ZDHHC24: variants seen among roughly 807,000 people sequenced by gnomAD.
ZDHHC24 encodes probable palmitoyltransferase ZDHHC24.
Under a neutral mutation model 23.2 loss-of-function variants are expected in ZDHHC24, and 17 were observed. The observed-to-expected ratio is 0.73, with a 90% CI of 0.50 to 1.10. ZDHHC24 has a LOEUF of 1.10. ZDHHC24 is among the 50% of genes least tolerant of loss of function. The pLI, the probability that ZDHHC24 is intolerant of heterozygous loss-of-function variation, is 0.00. For missense variants in ZDHHC24, 366 were observed against 393.0 expected (o/e 0.93, Z 0.58); for synonymous variants, 186 against 194.5 (o/e 0.96, Z 0.36).
At position 66,538,095 on chromosome 11, in the gene ZDHHC24, A is replaced by G. The variant is rs906479630; in HGVS notation, c.*1434T>C. On this transcript the variant is annotated 3_prime_UTR_variant, in exon 3 of 3. Coordinates refer to ENST00000310442, the MANE Select transcript of ZDHHC24 (RefSeq NM_207340.3). ...GTGAAACCCTGTCTATACTAAAAATACAAAAAAATTAGCTGGGCATGGCCA... is the reference window on the plus strand; with the variant it reads ...GTGAAACCCTGTCTATACTAAAAATGCAAAAAAATTAGCTGGGCATGGCCA... 3 of 151,594 alleles carry G rather than the reference A, an allele frequency of 2.0e-5. No individual in the cohort carries two copies. The highest frequency in any genetic ancestry group is 7.3e-5 in the African/African-American group (3 of 41,236). 9.4% of individuals were successfully genotyped at this position (151,594 alleles called of 1,614,324 possible). A position where few individuals can be genotyped will look rare whatever the true frequency, so the allele number is the denominator to read the frequency against.
chr11:66,530,378 A>C (rs1269588254), intron 2 of ZDHHC24, among the ~76,000 whole-genome samples: 1 of 151,900 alleles, frequency 6.6e-6, no homozygotes, highest in Non-Finnish European at 1.5e-5. Flanking sequence ...CACCGAGACC[A>C]GCACGGGCAA....
downstream of ZDHHC24, chr11:66,532,357 C>G: frequency 5.2e-6 from 2 of 386,992 alleles, no homozygotes; most frequent in Non-Finnish European, 9.7e-6. Flanking sequence ...GTGAGCTGAG[C>G]AGGACAGGCC....
chr11:66,526,946 C>T (rs1021950038), exon 4 of ZDHHC24: 2 of 1,581,784 alleles, frequency 1.3e-6, no homozygotes, highest in Non-Finnish European at 1.7e-6. Context: ...CTCTGCAAAT[C>T]CAGGGACAGC....
chr11:66,529,191 TG>T, intron 3 of ZDHHC24: 2 of 516,094 alleles, frequency 3.9e-6, no homozygotes, highest in Non-Finnish European at 6.4e-6. Context: ...GACAGTGGGG[TG>T]GGGGCGGGGT....
rs1856998059 is a variant in ZDHHC24 at position 66,537,300 on chromosome 11, G to A, written c.*2229C>T. 6.6e-6 allele frequency: 1 copy of A among 151,910 alleles called. No individual in the cohort carries two copies. Among genetic ancestry groups the A allele is most frequent in the Non-Finnish European group, 1.5e-5 (1 of 67,968 alleles). 9.4% of individuals were successfully genotyped at this position (151,910 alleles called of 1,614,324 possible). ...CACCCCACCCAGAGGTGTAGCTGCT[G>A]GCTGCATGATGTGGGTGGGGTGTGG... On this transcript the variant is annotated 3_prime_UTR_variant, in exon 3 of 3. Transcript: ENST00000310442.
Position 66,539,739 on chromosome 11 carries a change from G to A in ZDHHC24, c.645C>T (p.Leu215=), listed in dbSNP as rs144950495. Residue 215 remains leucine (L), a synonymous_variant, in exon 3 of 3, where the codon CTC becomes CTT. Coordinates refer to ENST00000310442, the MANE Select transcript of ZDHHC24 (RefSeq NM_207340.3). ...AGALLCGAGL[L]FHGMLLLRGQ... is the part of the protein sequence containing the mutation. ...CCCGCAGCAGCAGCATCCCATGGAAGAGCAGCCCAGCCCCGCACAGCAGCG... is the reference window on the plus strand; with the variant it reads ...CCCGCAGCAGCAGCATCCCATGGAAAAGCAGCCCAGCCCCGCACAGCAGCG... The A allele has an allele frequency of 2.5e-6, 4 of 1,613,128 alleles. No homozygotes were observed. The African/African-American group carries it at 4.0e-5, about 16-fold the overall frequency.
Position 66,539,408 on chromosome 11 carries a change from A to C in ZDHHC24, c.*121T>G. On this transcript the variant is annotated 3_prime_UTR_variant, in exon 3 of 3. Transcript: ENST00000310442. ...GTGTAGGCGGGCAGGGGCAAGGCCA[A>C]GGAAGGGGTGGAGTTGTCCAATGCA... is the stretch of plus-strand genomic sequence containing the variant. 7.2e-7 allele frequency: 1 copy of C among 1,384,496 alleles called. No individual in the cohort carries two copies. The highest frequency in any genetic ancestry group is 9.3e-7 in the Non-Finnish European group (1 of 1,071,890). The allele number at this position is 1,384,496 out of a possible 1,614,324, so 85.8% of individuals were successfully genotyped here. A position where few individuals can be genotyped will look rare whatever the true frequency, so the allele number is the denominator to read the frequency against.
Position 66,522,094 on chromosome 11 carries a change from G to A in ZDHHC24, c.*22-628C>T, listed in dbSNP as rs182168241. On this transcript the variant is annotated intron_variant, in intron 4 of 4. Transcript: ENST00000526986. The stretch of plus-strand genomic sequence containing the variant: ...TAGCTGGGCATGGTGGTGGGCGCCT[G>A]TAGTCCCAGCTACTCGGGAGGCTGA... Among the ~76,000 whole-genome samples, 1,312 of 146,198 alleles carry A rather than the reference G, an allele frequency of 9.0e-3. 22 individuals are homozygous for A. The highest frequency in any genetic ancestry group is 0.031 in the African/African-American group (1,225 of 39,624).
At chr11:66,523,533 TG>T in intron 4 of ZDHHC24, 1 of 1,614,118 alleles carries the variant, frequency 6.2e-7, no homozygotes, top group South Asian at 1.1e-5. Flanking sequence ...AAGGTCCTAG[TG>T]GTGGGCAGCA....
chr11:66,524,802 C>T (rs1469551859), intron 4 of ZDHHC24, among the ~76,000 whole-genome samples: 2 of 152,164 alleles, frequency 1.3e-5, no homozygotes, highest in Non-Finnish European at 2.9e-5. Flanking sequence ...CACATTGGCT[C>T]ACACCTGTAA....
intron 1 of ZDHHC24, among the ~76,000 whole-genome samples, chr11:66,544,351 C>A (rs369787695): frequency 6.6e-6 from 1 of 152,192 alleles, no homozygotes; most frequent in South Asian, 2.1e-4. Context: ...CCACCTCGTA[C>A]GGTCTCACCC....
intron 2 of ZDHHC24, chr11:66,530,072 C>G: frequency 7.1e-7 from 1 of 1,407,498 alleles, no homozygotes; most frequent in Non-Finnish European, 9.7e-7. Flanking sequence ...GCCCGTGCTC[C>G]CCATCACCTT....
chr11:66,543,767 G>T lies in ZDHHC24; in HGVS notation c.496C>A (p.Arg166=). The part of the protein sequence containing the change: ...LLGPALSALL[R]AHTPLHMAAL... ...GCCATGTGGAGGGGCGTGTGGGCTC[G>T]CAGCAGGGCCGACAGTGCAGGGCCC... Residue 166 remains arginine (R), a synonymous_variant, in exon 2 of 3, where the codon CGA becomes AGA. Coordinates refer to ENST00000310442, the MANE Select transcript of ZDHHC24 (RefSeq NM_207340.3). 6.2e-7 allele frequency: 1 copy of T among 1,608,842 alleles called. No individual in the cohort carries two copies. The highest frequency in any genetic ancestry group is 8.5e-7 in the Non-Finnish European group (1 of 1,177,696).
intron 3 of ZDHHC24, chr11:66,527,668 CAAAAAAAAAAAA>C (rs58165767): frequency 3.5e-5 from 2 of 57,968 alleles, no homozygotes; most frequent in African/African-American, 7.6e-5. Context: ...GACTCCGTCT[CAAAAAAAAAAAA>C]AAAAAAAAAA....
At chr11:66,527,131 C>G in intron 3 of ZDHHC24, 1 of 986,834 alleles carries the variant, frequency 1.0e-6, no homozygotes, top group Non-Finnish European at 1.5e-6. Flanking sequence ...AATCCCAACA[C>G]TTTGGCAGAG....
At chr11:66,541,093 A>C (rs1320764629) in intron 2 of ZDHHC24, among the ~76,000 whole-genome samples, 2 of 152,042 alleles carry the variant, frequency 1.3e-5, no homozygotes. Flanking sequence ...AAGCCACTAA[A>C]TTGTACACTT....
downstream of ZDHHC24, among the ~76,000 whole-genome samples, chr11:66,534,407 C>T (rs1174689278): frequency 5.4e-5 from 7 of 128,490 alleles, no homozygotes; most frequent in Admixed American, 6.1e-4. Context: ...CGCGCCACTA[C>T]ACCACTCTAG....
intron 2 of ZDHHC24, chr11:66,529,559 C>T (rs921118124): frequency 1.1e-4 from 76 of 698,950 alleles, no homozygotes; most frequent in Non-Finnish European, 1.6e-4. Flanking sequence ...CCTCTAGGGC[C>T]GGACAGAGAA....
intron 4 of ZDHHC24, chr11:66,522,911 G>C: frequency 2.9e-6 from 1 of 348,592 alleles, no homozygotes; most frequent in Non-Finnish European, 5.6e-6. Context: ...AAGTTAAAAA[G>C]GAACCAGTTG....
Sources: allele counts gnomAD v4.1 joint callset (sites outside exome capture counted in the v4.1 genomes callset), GRCh38; gene constraint gnomAD v4.1.1; transcripts MANE v1.5; gene names NCBI Gene and HGNC (gene_info 2026-07-23, HGNC 2026-07-21).